Variants in CIBAR2 observed in about 807,000 individuals in gnomAD.
CIBAR2 encodes CBY1-interacting BAR domain-containing protein 2.
CIBAR2 carries 38 observed loss-of-function variants against 36.2 expected under a neutral mutation model. The ratio of observed to expected loss-of-function variants is 1.05; its 90% CI spans 0.81 to 1.38. CIBAR2 has a LOEUF of 1.38. CIBAR2 is among the 40% of genes most tolerant of loss of function. CIBAR2 has a pLI of 0.00. For synonymous variants in CIBAR2, 182 were observed against 149.5 expected, an observed-to-expected ratio of 1.22 and a Z score of -1.58; for missense variants, 481 against 383.4, an observed-to-expected ratio of 1.25 and a Z score of -2.13.
intron 5 of CIBAR2, among the ~76,000 whole-genome samples, chr16:85,106,228 C>T (rs558822782): frequency 9.9e-5 from 15 of 152,210 alleles, no homozygotes; most frequent in East Asian, 3.9e-4. Context: ...GGACTCCCCA[C>T]GCTCAGCACT....
intron 4 of CIBAR2, 36 bp downstream of exon 4, chr16:85,107,810 C>T: frequency 6.3e-7 from 1 of 1,591,052 alleles, no homozygotes; most frequent in Non-Finnish European, 8.6e-7. Flanking sequence ...ACACCCTGGC[C>T]CGGCAGCCCC....
chr16:85,104,211 C>T (rs566519859), intron 6 of CIBAR2, among the ~76,000 whole-genome samples: 7 of 152,308 alleles, frequency 4.6e-5, no homozygotes, highest in East Asian at 3.9e-4. Context: ...ACCGACTGGA[C>T]GCAGATCAAG....
rs1182295901 is a variant in CIBAR2, at chr16:85,107,899, GT to G, written c.372del (p.Gln124HisfsTer8). 1 of 1,614,162 alleles carries G rather than the reference GT, an allele frequency of 6.2e-7. No homozygotes were observed. Among genetic ancestry groups the G allele is most frequent in the South Asian group, 1.1e-5 (1 of 91,092 alleles). On this transcript the variant is annotated frameshift_variant, in exon 4 of 9. Coordinates refer to ENST00000539556, the MANE Select transcript of CIBAR2 (RefSeq NM_198491.3). LOFTEE classifies it high-confidence loss of function. ...TGCCTCAGTTTCTCCAGTTTTTCCA[GT>G]TGTTTGATCTCATGATTTTGGACAT... is the stretch of plus-strand genomic sequence containing the variant. ...FKHVQNHEIK[Q>X]LEKLEKLRQK...
chr16:85,110,696 G>C (rs1215620399), intron 1 of CIBAR2, among the ~76,000 whole-genome samples: 3 of 137,710 alleles, frequency 2.2e-5, no homozygotes, highest in African/African-American at 8.9e-5. Context: ...CTTGGCTGCA[G>C]ACCTGGCCTT....
chr16:85,111,763 G>C (rs2144182743), intron 1 of CIBAR2, among the ~76,000 whole-genome samples: 1 of 152,352 alleles, frequency 6.6e-6, no homozygotes, highest in South Asian at 2.1e-4. Context: ...AGAATCGCTT[G>C]AGCCCAGGCG....
chr16:85,101,448 C>T (rs749301378), intron 7 of CIBAR2, among the ~76,000 whole-genome samples: 3 of 152,092 alleles, frequency 2.0e-5, no homozygotes, highest in Admixed American at 6.6e-5. Flanking sequence ...GAACTGCCCA[C>T]GTGAGCCCCA....
chr16:85,110,562 C>T (rs999289974), intron 1 of CIBAR2, 102 bp from the exon 2 acceptor site: 11 of 872,348 alleles, frequency 1.3e-5, no homozygotes, highest in South Asian at 1.8e-5. Context: ...TGCCACCAGC[C>T]GGCCTCTGGT....
At chr16:85,101,487 T>C (rs764580846) in intron 7 of CIBAR2, among the ~76,000 whole-genome samples, 3 of 152,180 alleles carry the variant, frequency 2.0e-5, no homozygotes, top group African/African-American at 4.8e-5. Context: ...AAAAGAATCA[T>C]GATAACTGAT....
chr16:85,101,283 C>A (rs988241291), intron 7 of CIBAR2, among the ~76,000 whole-genome samples: 1 of 152,092 alleles, frequency 6.6e-6, no homozygotes, highest in African/African-American at 2.4e-5. Flanking sequence ...ATTGTTGATA[C>A]GCCCCACATT....
At chr16:85,101,014 C>A (rs2073951429) in intron 7 of CIBAR2, among the ~76,000 whole-genome samples, 1 of 151,848 alleles carries the variant, frequency 6.6e-6, no homozygotes, top group African/African-American at 2.4e-5. Context: ...CCACTGCACT[C>A]CAGCCTGGGC....
chr16:85,107,736 C>T (rs2074007579), intron 4 of CIBAR2, 64 bp from the exon 5 acceptor site: 2 of 1,603,628 alleles, frequency 1.2e-6, no homozygotes, highest in Non-Finnish European at 1.7e-6. Context: ...TGGTCCGCCC[C>T]CTTCACAGCC....
chr16:85,112,434 C>T lies in CIBAR2; in HGVS notation c.-82G>A. 1.4e-6 allele frequency: 2 copies of T among 1,412,446 alleles called. No individual in the cohort carries two copies. The highest frequency in any genetic ancestry group is 2.0e-6 in the Non-Finnish European group (2 of 999,040). The allele number at this position is 1,412,446 out of a possible 1,614,324, so 87.5% of individuals were successfully genotyped here. ...TCCTGCAGGCCTGGGAGGAGCCGGG[C>T]AGGGCTGGGTGCAGCTGTGTGGCCT... On this transcript the variant is annotated 5_prime_UTR_variant, in exon 1 of 9. Transcript: ENST00000539556.
chr16:85,106,576 G>T (rs983980212), intron 5 of CIBAR2, among the ~76,000 whole-genome samples: 20 of 152,112 alleles, frequency 1.3e-4, no homozygotes, highest in Middle Eastern at 3.2e-3. Context: ...TGAAGACAGG[G>T]GAGGGGCCAT....
chr16:85,103,248 C>A (rs1273519552), intron 6 of CIBAR2, among the ~76,000 whole-genome samples: 1 of 152,170 alleles, frequency 6.6e-6, no homozygotes, highest in Non-Finnish European at 1.5e-5. Context: ...TAGCAGGCAC[C>A]AGCCATGGGG....
intron 8 of CIBAR2, 145 bp from the exon 9 acceptor site, chr16:85,099,491 A>G: frequency 1.6e-6 from 1 of 621,360 alleles, no homozygotes; most frequent in Admixed American, 2.7e-5. Flanking sequence ...GGAGGTGTGG[A>G]CCTGACTGGG....
At chr16:85,105,684 A>C (rs945449802) in intron 5 of CIBAR2, among the ~76,000 whole-genome samples, 1 of 152,152 alleles carries the variant, frequency 6.6e-6, no homozygotes, top group South Asian at 2.1e-4. Context: ...TCTGAGCCTC[A>C]ATTTCCATGC....
Position 85,102,474 on chromosome 16 carries a change from A to T in CIBAR2, c.538-147T>A, listed in dbSNP as rs370528930. 18 of 612,266 alleles carry T rather than the reference A, an allele frequency of 2.9e-5. 1 individual carries two copies. The highest frequency in any genetic ancestry group is 2.9e-5 in the Admixed American group (1 of 34,120). The allele number at this position is 612,266 out of a possible 1,614,324, so 37.9% of individuals were successfully genotyped here. On this transcript the variant is annotated intron_variant, in intron 6 of 8. Transcript: ENST00000539556. ...TGGGGAGTTTCGACATGTTATTTTAAACTTATTTTTCTTTCATAGAGAACA... is the reference window on the plus strand; with the variant it reads ...TGGGGAGTTTCGACATGTTATTTTATACTTATTTTTCTTTCATAGAGAACA...
At chr16:85,103,350 T>C (rs949566509) in intron 6 of CIBAR2, among the ~76,000 whole-genome samples, 4 of 152,196 alleles carry the variant, frequency 2.6e-5, no homozygotes, top group Non-Finnish European at 5.9e-5. Flanking sequence ...CTGTTGTTTA[T>C]AAATCACCCA....
rs1183275465 is a variant in CIBAR2, at chr16:85,098,936, A to G, written c.*249T>C. Reference sequence around the variant, plus strand: ...GCAGTGGGCTCGGACCAAGAAATAGATAGCATAAAGAAAAACAATCAAAAC... The same window carrying G: ...GCAGTGGGCTCGGACCAAGAAATAGGTAGCATAAAGAAAAACAATCAAAAC... On this transcript the variant is annotated 3_prime_UTR_variant, in exon 9 of 9. Coordinates refer to ENST00000539556, the MANE Select transcript of CIBAR2 (RefSeq NM_198491.3). The G allele has an allele frequency of 1.3e-5, 5 of 399,664 alleles. No homozygotes were observed. Among genetic ancestry groups the G allele is most frequent in the Non-Finnish European group, 2.1e-5 (5 of 238,484 alleles). 24.8% of individuals were successfully genotyped at this position (399,664 alleles called of 1,614,324 possible). A position where few individuals can be genotyped will look rare whatever the true frequency, so the allele number is the denominator to read the frequency against.
Sources: allele counts gnomAD v4.1 joint callset (sites outside exome capture counted in the v4.1 genomes callset), GRCh38; gene constraint gnomAD v4.1.1; transcripts MANE v1.5; gene names NCBI Gene and HGNC (gene_info 2026-07-23, HGNC 2026-07-21).